Variants in GABBR2 observed in about 807,000 individuals in gnomAD.
The protein encoded by GABBR2 is G-protein coupled receptor 51.
GABBR2 carries 23 observed loss-of-function variants against 105.6 expected under a neutral mutation model. The ratio of observed to expected loss-of-function variants is 0.22; its 90% CI spans 0.16 to 0.31. The LOEUF (loss-of-function observed/expected upper bound fraction) is 0.31. Ranked by LOEUF, GABBR2 falls within the 10% of genes least tolerant of loss-of-function variation. The pLI, the probability that GABBR2 is intolerant of heterozygous loss-of-function variation, is 1.00. For synonymous variants in GABBR2, 478 were observed against 499.7 expected, an observed-to-expected ratio of 0.96 and a Z score of 0.58; for missense variants, 734 against 1,245.5, an observed-to-expected ratio of 0.59 and a Z score of 6.18.
At chr9:98,356,376 G>A (rs566129741) in intron 13 of GABBR2, among the ~76,000 whole-genome samples, 1 of 152,314 alleles carries the variant, frequency 6.6e-6, no homozygotes, top group South Asian at 2.1e-4. Context: ...GTTCTGAACA[G>A]TCTTCTCACT....
intron 1 of GABBR2, among the ~76,000 whole-genome samples, chr9:98,695,828 G>A (rs1830744066): frequency 6.6e-6 from 1 of 152,172 alleles, no homozygotes; most frequent in Non-Finnish European, 1.5e-5. Context: ...TCTTTCTACA[G>A]TGTCCAGCTG....
At chr9:98,509,120 T>C (rs921810814) in intron 3 of GABBR2, among the ~76,000 whole-genome samples, 8 of 152,118 alleles carry the variant, frequency 5.3e-5, no homozygotes, top group Non-Finnish European at 7.4e-5. Context: ...CCAATATCCA[T>C]TGTTCTGCAG....
intron 2 of GABBR2, among the ~76,000 whole-genome samples, chr9:98,574,476 T>A (rs1828881603): frequency 1.3e-5 from 2 of 152,104 alleles, no homozygotes; most frequent in South Asian, 4.2e-4. Context: ...TAATCAAGCC[T>A]TCAGATGATG....
chr9:98,523,767 C>T (rs143135851), intron 3 of GABBR2, among the ~76,000 whole-genome samples: 1 of 152,106 alleles, frequency 6.6e-6, no homozygotes, highest in Non-Finnish European at 1.5e-5. Flanking sequence ...ATTAGAAAAC[C>T]CACCAGAGTT....
intron 2 of GABBR2, among the ~76,000 whole-genome samples, chr9:98,568,989 T>C (rs557307086): frequency 2.6e-5 from 4 of 152,120 alleles, no homozygotes; most frequent in Non-Finnish European, 4.4e-5. Flanking sequence ...GCCCTTAGCA[T>C]CATTTCTCCT....
At chr9:98,642,663 G>T (rs1165095859) in intron 1 of GABBR2, among the ~76,000 whole-genome samples, 1 of 152,136 alleles carries the variant, frequency 6.6e-6, no homozygotes, top group Non-Finnish European at 1.5e-5. Context: ...AGCACATCTT[G>T]AGCAGGAATT....
chr9:98,433,042 T>C (rs1825840278), intron 7 of GABBR2, among the ~76,000 whole-genome samples: 2 of 152,232 alleles, frequency 1.3e-5, no homozygotes, highest in Admixed American at 1.3e-4. Flanking sequence ...CAGGAGACTT[T>C]AATTCTCAAG....
chr9:98,535,977 G>C (rs561716842), intron 3 of GABBR2, among the ~76,000 whole-genome samples: 256 of 152,122 alleles, frequency 1.7e-3, no homozygotes, highest in African/African-American at 5.8e-3. Flanking sequence ...GTAAACTCTG[G>C]AGTCTGGGTG....
At chr9:98,481,696 C>T (rs1323786094) in intron 4 of GABBR2, among the ~76,000 whole-genome samples, 3 of 152,162 alleles carry the variant, frequency 2.0e-5, no homozygotes, top group Non-Finnish European at 2.9e-5. Flanking sequence ...CGTTCCTTAC[C>T]GGATTTCTGG....
At chr9:98,406,626 GAATGTTTTTCT>G (rs1832495115) in intron 7 of GABBR2, among the ~76,000 whole-genome samples, 1 of 152,196 alleles carries the variant, frequency 6.6e-6, no homozygotes, top group Admixed American at 6.5e-5. Flanking sequence ...TAGGAATAGA[GAATGTTTTTCT>G]AAGTTTTTCC....
At chr9:98,450,397 C>T (rs759777284) in intron 7 of GABBR2, among the ~76,000 whole-genome samples, 5 of 152,008 alleles carry the variant, frequency 3.3e-5, no homozygotes, top group South Asian at 2.1e-4. Flanking sequence ...ACAATTTTAA[C>T]GAAACCTGTC....
chr9:98,510,578 C>A (rs1827618520), intron 3 of GABBR2, among the ~76,000 whole-genome samples: 1 of 152,070 alleles, frequency 6.6e-6, no homozygotes. Context: ...GGAGGAAGAT[C>A]TACCAAGCAA....
At chr9:98,546,780 C>T (rs150674013) in intron 2 of GABBR2, among the ~76,000 whole-genome samples, 2,187 of 58,184 alleles carry the variant, frequency 0.038, 401 homozygotes, top group African/African-American at 0.08. Flanking sequence ...GCCATCTCTT[C>T]TTTTTTAATG....
intron 2 of GABBR2, among the ~76,000 whole-genome samples, chr9:98,546,429 T>C (rs138520381): frequency 1.3e-3 from 202 of 152,376 alleles, no homozygotes; most frequent in African/African-American, 4.5e-3. Flanking sequence ...CACAATTATG[T>C]CTTCATTTTT....
At chr9:98,450,669 T>C (rs961577026) in intron 7 of GABBR2, among the ~76,000 whole-genome samples, 12 of 152,270 alleles carry the variant, frequency 7.9e-5, no homozygotes, top group African/African-American at 2.4e-4. Flanking sequence ...CACAAAAGCA[T>C]TGAATTTGAG....
chr9:98,300,882 T>C (rs7853722), intron 16 of GABBR2, among the ~76,000 whole-genome samples: 12,441 of 152,186 alleles, frequency 0.082, 1,738 homozygotes, highest in African/African-American at 0.28. Context: ...CATGCATTTT[T>C]GTCCAATCAC....
chr9:98,545,206 T>C (rs886288977), intron 2 of GABBR2, among the ~76,000 whole-genome samples: 1 of 152,236 alleles, frequency 6.6e-6, no homozygotes, highest in Non-Finnish European at 1.5e-5. Flanking sequence ...ATTACCGTGG[T>C]TACTGTTCAG....
intron 13 of GABBR2, among the ~76,000 whole-genome samples, chr9:98,313,130 G>A (rs1340349912): frequency 6.6e-6 from 1 of 152,080 alleles, no homozygotes; most frequent in Non-Finnish European, 1.5e-5. Flanking sequence ...TCCAGATTGG[G>A]CCAGTGGAAA....
At chr9:98,484,104 C>G (rs1269683518) in intron 4 of GABBR2, among the ~76,000 whole-genome samples, 1 of 152,178 alleles carries the variant, frequency 6.6e-6, no homozygotes, top group Non-Finnish European at 1.5e-5. Context: ...CCTGGGCTCA[C>G]CATGTCCACT....
Sources: gnomAD v4.1 joint callset for allele counts (sites outside exome capture counted in the v4.1 genomes callset) on GRCh38, gnomAD v4.1.1 for gene constraint, MANE v1.5 for transcripts, NCBI Gene and HGNC (gene_info 2026-07-23, HGNC 2026-07-21) for gene names.